The following ZNF148 variants were observed in gnomAD, a reference collection of about 807,000 sequenced individuals.
The protein encoded by ZNF148 is Beta-Enolase Repressor Factor-1.
Under a neutral mutation model 67.7 loss-of-function variants are expected in ZNF148, and 7 were observed. The observed-to-expected ratio is 0.10, with a 90% CI of 0.06 to 0.19. The LOEUF is 0.19. ZNF148 is among the 10% of genes least tolerant of loss of function. ZNF148 has a pLI of 1.00. For missense variants in ZNF148, 583 were observed against 947.1 expected (o/e 0.62, Z 5.05); for synonymous variants, 333 against 330.7 (o/e 1.01, Z -0.08).
intron 7 of ZNF148, among the ~76,000 whole-genome samples, chr3:125,249,932 C>G (rs1936766889): frequency 6.6e-6 from 1 of 151,882 alleles, no homozygotes; most frequent in East Asian, 1.9e-4. Context: ...CACAGAGAGA[C>G]AAACATGCAT....
intron 7 of ZNF148, among the ~76,000 whole-genome samples, chr3:125,242,874 T>TA (rs1936430389): frequency 6.6e-6 from 1 of 152,214 alleles, no homozygotes; most frequent in Non-Finnish European, 1.5e-5. Context: ...TCCACTAGTG[T>TA]GACTGTTCAT....
At chr3:125,306,022 T>C (rs1939858430) in intron 4 of ZNF148, among the ~76,000 whole-genome samples, 1 of 152,100 alleles carries the variant, frequency 6.6e-6, no homozygotes, top group African/African-American at 2.4e-5. Flanking sequence ...TAGATATTAA[T>C]GATGAAAAGA....
At chr3:125,324,490 G>T (rs779452776) in intron 2 of ZNF148, among the ~76,000 whole-genome samples, 5 of 152,110 alleles carry the variant, frequency 3.3e-5, no homozygotes, top group Non-Finnish European at 5.9e-5. Flanking sequence ...CAAAAACAGA[G>T]TACAGGCTAT....
chr3:125,347,594 G>A (rs1280498141), intron 1 of ZNF148, among the ~76,000 whole-genome samples: 1 of 149,720 alleles, frequency 6.7e-6, no homozygotes, highest in African/African-American at 2.5e-5. Context: ...CTGAGACAGG[G>A]TCCCACTCTG....
chr3:125,238,198 G>A (rs1397385114), intron 7 of ZNF148, among the ~76,000 whole-genome samples: 2 of 151,654 alleles, frequency 1.3e-5, no homozygotes, highest in African/African-American at 4.9e-5. Context: ...ATATAATATA[G>A]GAATAAATCC....
At chr3:125,283,061 T>G (rs1938475057) in intron 5 of ZNF148, among the ~76,000 whole-genome samples, 1 of 152,132 alleles carries the variant, frequency 6.6e-6, no homozygotes, top group African/African-American at 2.4e-5. Flanking sequence ...TCTCACCTAT[T>G]ATGAGACGTT....
At chr3:125,297,738 GGACT>G (rs751119058) in intron 4 of ZNF148, among the ~76,000 whole-genome samples, 1 of 145,604 alleles carries the variant, frequency 6.9e-6, no homozygotes, top group Non-Finnish European at 1.5e-5. Flanking sequence ...AAACTTAAAA[GGACT>G]GACAAGATCA....
rs183292975 is a variant in ZNF148, at chr3:125,343,713, G to A, written c.-233-12475C>T. ...GCCAGCCAGCAGCAGCAATCCGCTC[G>A]GGTCCCCATCCACACTGTGGAAGCT... is the stretch of plus-strand genomic sequence containing the variant. On this transcript the variant is annotated intron_variant, in intron 1 of 8. Coordinates refer to ENST00000360647, the MANE Select transcript of ZNF148 (RefSeq NM_021964.3). 1.1e-3 allele frequency among the ~76,000 whole-genome samples: 160 copies of A among 152,166 alleles called. 4 individuals carry two copies. In the Middle Eastern group the frequency reaches 0.021, roughly 20 times the overall value.
chr3:125,313,610 A>C lies in ZNF148; in HGVS notation c.31T>G (p.Phe11Val). Residue 11 changes from phenylalanine (F) to valine (V), a missense_variant, in exon 4 of 9, where the codon TTT becomes GTT. Physicochemically the swap from Phe to Val is conservative, Grantham distance 50 (BLOSUM62 -1). Coordinates refer to ENST00000360647, the MANE Select transcript of ZNF148 (RefSeq NM_021964.3). MNIDDKLEGL[F>V]LKCGGIDEMQ... ...TCGTCTATGCCGCCACATTTAAGAA[A>C]CAATCCTTCCAGTTTGTCGTCAATG... is the stretch of plus-strand genomic sequence containing the variant. 12 of 1,613,570 alleles carry C rather than the reference A, an allele frequency of 7.4e-6. No homozygotes were observed. Among genetic ancestry groups the C allele is most frequent in the Non-Finnish European group, 1.0e-5 (12 of 1,179,474 alleles).
rs1232426508 is a variant in ZNF148 at position 125,313,655 on chromosome 3, G to T, written c.-15C>A. The T allele has an allele frequency of 2.5e-6, 4 of 1,587,254 alleles. No homozygotes were observed. The highest frequency in any genetic ancestry group is 3.4e-6 in the Non-Finnish European group (4 of 1,161,834). ...TCAATGTTCATGCTTAAGTATAACT[G>T]CCTAGAAAACCAAGTTTGGCAACAA... On this transcript the variant is annotated splice_region_variant and 5_prime_UTR_variant, in exon 4 of 9. Transcript: ENST00000360647.
chr3:125,331,163 T>C lies in ZNF148; in HGVS notation c.-158A>G, dbSNP rs562619139. ...CTCAAAGAATGCTGAATTACCTCCA[T>C]TAAATACGTTAGGCAAACGCCCATC... On this transcript the variant is annotated 5_prime_UTR_variant, in exon 2 of 9. It removes an upstream start codon present in the reference 5' UTR. Coordinates refer to ENST00000360647, the MANE Select transcript of ZNF148 (RefSeq NM_021964.3). 70 of 398,448 alleles carry C rather than the reference T, an allele frequency of 1.8e-4. No homozygotes were observed. Among genetic ancestry groups the C allele is most frequent in the Non-Finnish European group, 3.0e-4 (68 of 226,048 alleles). 24.7% of individuals were successfully genotyped at this position (398,448 alleles called of 1,614,324 possible).
intron 3 of ZNF148, among the ~76,000 whole-genome samples, chr3:125,316,312 G>A (rs1410611530): frequency 1.3e-5 from 2 of 152,186 alleles, no homozygotes; most frequent in African/African-American, 4.8e-5. Flanking sequence ...AAATACAGGA[G>A]TGCAACTATC....
At chr3:125,273,778 C>T (rs952744096) in intron 7 of ZNF148, among the ~76,000 whole-genome samples, 3 of 151,810 alleles carry the variant, frequency 2.0e-5, no homozygotes, top group African/African-American at 7.3e-5. Context: ...CGCACCCGGC[C>T]GGGAGGAGAA....
At chr3:125,363,864 G>A (rs1207221784) in intron 1 of ZNF148, among the ~76,000 whole-genome samples, 1 of 151,810 alleles carries the variant, frequency 6.6e-6, no homozygotes, top group Non-Finnish European at 1.5e-5. Flanking sequence ...GCCTAGGCTG[G>A]TCTCAAACTC....
At chr3:125,353,713 C>T (rs1329024745) in intron 1 of ZNF148, among the ~76,000 whole-genome samples, 1 of 151,840 alleles carries the variant, frequency 6.6e-6, no homozygotes, top group Admixed American at 6.6e-5. Flanking sequence ...CCTTGGTCTC[C>T]CATAGTGTAG....
In ZNF148 at chr3:125,367,872, T is replaced by C. The variant is rs557391122; in HGVS notation, c.-234+7230A>G. Among the ~76,000 whole-genome samples the C allele has an allele frequency of 3.7e-4, 57 of 152,282 alleles. No individual in the cohort carries two copies. The South Asian group carries it at 4.8e-3, about 13-fold the overall frequency. ...ATACGAAGACGGAAAACAGACCCCA[T>C]AGTTGTTTCAGGGGGCTCAACATCT... is the stretch of plus-strand genomic sequence containing the variant. On this transcript the variant is annotated intron_variant, in intron 1 of 8. Transcript: ENST00000360647.
intron 7 of ZNF148, among the ~76,000 whole-genome samples, chr3:125,235,086 C>A (rs1936026007): frequency 6.6e-6 from 1 of 152,172 alleles, no homozygotes; most frequent in African/African-American, 2.4e-5. Context: ...GATAAAACCA[C>A]AGTCTAAGTA....
At chr3:125,360,906 T>C (rs1437235063) in intron 1 of ZNF148, among the ~76,000 whole-genome samples, 1 of 151,170 alleles carries the variant, frequency 6.6e-6, no homozygotes, top group Non-Finnish European at 1.5e-5. Context: ...GTGGTACACA[T>C]ATGTAATCCC....
At chr3:125,306,104 TAAAG>T (rs1939862001) in intron 4 of ZNF148, among the ~76,000 whole-genome samples, 2 of 151,860 alleles carry the variant, frequency 1.3e-5, no homozygotes, top group South Asian at 2.1e-4. Flanking sequence ...CAAAAAGAAA[TAAAG>T]GAAGTTAGAA....
Sources: allele counts gnomAD v4.1 joint callset (sites outside exome capture counted in the v4.1 genomes callset), GRCh38; gene constraint gnomAD v4.1.1; transcripts MANE v1.5; gene names NCBI Gene and HGNC (gene_info 2026-07-23, HGNC 2026-07-21).